Variants in NEGR1 observed in about 807,000 individuals in gnomAD.
The protein encoded by NEGR1 is IgLON family member 4.
In NEGR1, 10 loss-of-function variants were observed where a neutral mutation model predicts 40.9. The observed-to-expected ratio is 0.24, with a 90% CI of 0.15 to 0.42. NEGR1 has a LOEUF of 0.42. Ranked by LOEUF, NEGR1 falls within the 10% of genes least tolerant of loss-of-function variation. The pLI, the probability that NEGR1 is intolerant of heterozygous loss-of-function variation, is 1.00. For synonymous variants in NEGR1, 185 were observed against 166.8 expected, an observed-to-expected ratio of 1.11 and a Z score of -0.84; for missense variants, 352 against 438.9, an observed-to-expected ratio of 0.80 and a Z score of 1.77.
intron 1 of NEGR1, among the ~76,000 whole-genome samples, chr1:72,089,355 G>C (rs1030207457): frequency 4.6e-5 from 7 of 152,092 alleles, no homozygotes; most frequent in Admixed American, 6.5e-5. Context: ...GAGTTAATAC[G>C]TTCAATATGC....
chr1:71,734,559 CCT>C (rs1654988424), intron 3 of NEGR1, among the ~76,000 whole-genome samples: 1 of 152,060 alleles, frequency 6.6e-6, no homozygotes, highest in Non-Finnish European at 1.5e-5. Context: ...ATGGCTTATC[CCT>C]TTTTGTTTAA....
At chr1:71,437,235 A>T (rs1370296810) in intron 6 of NEGR1, among the ~76,000 whole-genome samples, 3 of 152,260 alleles carry the variant, frequency 2.0e-5, no homozygotes, top group Non-Finnish European at 4.4e-5. Context: ...ATAGAGACAG[A>T]AAGATTAGTA....
At chr1:71,428,012 A>ATG (rs1646440620) in intron 6 of NEGR1, among the ~76,000 whole-genome samples, 1 of 151,622 alleles carries the variant, frequency 6.6e-6, no homozygotes, top group South Asian at 2.1e-4. Context: ...ACACACACAC[A>ATG]CATGCATGCA....
chr1:71,716,716 T>C (rs1395027423), intron 3 of NEGR1, among the ~76,000 whole-genome samples: 1 of 152,140 alleles, frequency 6.6e-6, no homozygotes, highest in Non-Finnish European at 1.5e-5. Context: ...ATTTACTCAA[T>C]ATAGCACTCA....
At chr1:72,208,519 A>T (rs1653488834) in intron 1 of NEGR1, among the ~76,000 whole-genome samples, 1 of 151,518 alleles carries the variant, frequency 6.6e-6, no homozygotes, top group Non-Finnish European at 1.5e-5. Context: ...GAAGAACTTA[A>T]ATATCTATAC....
chr1:71,610,519 T>G (rs1011248976), intron 5 of NEGR1, among the ~76,000 whole-genome samples: 1 of 152,180 alleles, frequency 6.6e-6, no homozygotes, highest in Non-Finnish European at 1.5e-5. Flanking sequence ...CCTTTAGGCA[T>G]GTATTTTATC....
At chr1:71,929,148 T>C (rs1471723117) in intron 2 of NEGR1, among the ~76,000 whole-genome samples, 2 of 152,140 alleles carry the variant, frequency 1.3e-5, no homozygotes, top group African/African-American at 2.4e-5. Flanking sequence ...TAGTTATTGA[T>C]ATAAAGAAGC....
intron 3 of NEGR1, among the ~76,000 whole-genome samples, chr1:71,766,631 A>G (rs937829238): frequency 6.6e-6 from 1 of 152,252 alleles, no homozygotes. Flanking sequence ...CAAATAAGTG[A>G]ATATTTTTAA....
At chr1:71,532,770 C>T (rs538930623) in intron 6 of NEGR1, among the ~76,000 whole-genome samples, 7 of 151,618 alleles carry the variant, frequency 4.6e-5, no homozygotes, top group Non-Finnish European at 7.4e-5. Context: ...AAGCATGCGG[C>T]CCATAATCAA....
At chr1:71,853,958 C>T (rs948020259) in intron 2 of NEGR1, among the ~76,000 whole-genome samples, 5 of 152,028 alleles carry the variant, frequency 3.3e-5, no homozygotes, top group Admixed American at 3.3e-4. Flanking sequence ...TGAAACTGGT[C>T]GTTTTAAACC....
intron 6 of NEGR1, among the ~76,000 whole-genome samples, chr1:71,414,404 T>G (rs1197104228): frequency 6.6e-6 from 1 of 152,206 alleles, no homozygotes; most frequent in Non-Finnish European, 1.5e-5. Flanking sequence ...TTAATTTTAC[T>G]TAAACACTGG....
intron 4 of NEGR1, among the ~76,000 whole-genome samples, chr1:71,688,157 T>C: frequency 6.6e-6 from 1 of 151,028 alleles, no homozygotes; most frequent in Non-Finnish European, 1.5e-5. Flanking sequence ...GAAATTGGCA[T>C]ACACAAAGTT....
At chr1:71,442,124 A>G (rs572215795) in intron 6 of NEGR1, among the ~76,000 whole-genome samples, 2 of 151,882 alleles carry the variant, frequency 1.3e-5, no homozygotes, top group East Asian at 3.9e-4. Flanking sequence ...ACTCACCTTG[A>G]AAAAAAACCT....
intron 3 of NEGR1, among the ~76,000 whole-genome samples, chr1:71,743,163 C>A (rs1436444037): frequency 2.6e-5 from 4 of 152,116 alleles, no homozygotes; most frequent in Non-Finnish European, 5.9e-5. Context: ...TTATTCAAAC[C>A]ACCCAGTCTA....
At chr1:71,943,847 A>T (rs1483971282) in intron 1 of NEGR1, among the ~76,000 whole-genome samples, 1 of 152,196 alleles carries the variant, frequency 6.6e-6, no homozygotes, top group Non-Finnish European at 1.5e-5. Context: ...TCACAAAAAC[A>T]TTCTGAGAAG....
intron 6 of NEGR1, among the ~76,000 whole-genome samples, chr1:71,566,876 G>A (rs912258500): frequency 6.6e-6 from 1 of 152,088 alleles, no homozygotes; most frequent in African/African-American, 2.4e-5. Flanking sequence ...TTCTTCAGGG[G>A]TGGCACCTTC....
At chr1:72,215,745 T>A (rs1485582799) in intron 1 of NEGR1, among the ~76,000 whole-genome samples, 2 of 151,990 alleles carry the variant, frequency 1.3e-5, no homozygotes, top group Non-Finnish European at 2.9e-5. Context: ...ATAGGAACAC[T>A]TTTACACTCT....
intron 1 of NEGR1, among the ~76,000 whole-genome samples, chr1:72,022,476 G>C (rs941788096): frequency 1.3e-5 from 2 of 149,018 alleles, no homozygotes; most frequent in African/African-American, 2.5e-5. Context: ...TTTATAAAAA[G>C]CATAGTAAAC....
chr1:71,972,744 G>C (rs1035157089), intron 1 of NEGR1, among the ~76,000 whole-genome samples: 1 of 152,058 alleles, frequency 6.6e-6, no homozygotes, highest in African/African-American at 2.4e-5. Flanking sequence ...TTTTGATACA[G>C]CTGAACTCAA....
Sources: gnomAD v4.1 joint callset for allele counts (sites outside exome capture counted in the v4.1 genomes callset) on GRCh38, gnomAD v4.1.1 for gene constraint, MANE v1.5 for transcripts, NCBI Gene and HGNC (gene_info 2026-07-23, HGNC 2026-07-21) for gene names.